The following FNBP1L variants were observed in gnomAD, a reference collection of about 807,000 sequenced individuals.
FNBP1L encodes the protein formin binding protein 1 like.
A neutral mutation model predicts 91.2 loss-of-function variants in FNBP1L; 36 were observed. The observed-to-expected ratio is 0.39, with a 90% confidence interval of 0.30 to 0.52. FNBP1L has a LOEUF of 0.52. Ranked by LOEUF, FNBP1L falls within the 20% of genes least tolerant of loss-of-function variation. The probability of loss-of-function intolerance (pLI) is 0.66; values close to 1 mark genes in which losing one functional copy is unlikely to be tolerated. For missense variants in FNBP1L, 571 were observed against 732.1 expected (o/e 0.78, Z 2.54); for synonymous variants, 242 against 237.0 (o/e 1.02, Z -0.19).
intron 2 of FNBP1L, 146 bp downstream of exon 2, chr1:93,499,729 A>T (rs1030035540): frequency 2.7e-5 from 16 of 586,346 alleles, no homozygotes; most frequent in Non-Finnish European, 4.8e-5. Flanking sequence ...TTTAATGATT[A>T]ATTAAGTCAT....
At chr1:93,508,737 A>G (rs147206879) in intron 2 of FNBP1L, among the ~76,000 whole-genome samples, 425 of 152,322 alleles carry the variant, frequency 2.8e-3, no homozygotes, top group Non-Finnish European at 4.1e-3. Context: ...AAAGACTTCT[A>G]TGGTTACCCT....
In FNBP1L at chr1:93,540,134, A is replaced by G. The variant is rs910090308; in HGVS notation, c.1150-908A>G. Reference sequence around the variant, plus strand: ...GATGCCATGCCAGTTGCAGAATCCTATTGACCCACAGAATGTGGGAGATAT... The same window carrying G: ...GATGCCATGCCAGTTGCAGAATCCTGTTGACCCACAGAATGTGGGAGATAT... On this transcript the variant is annotated intron_variant, in intron 10 of 16. Transcript: ENST00000271234. Among the ~76,000 whole-genome samples, 12 of 152,226 alleles carry G rather than the reference A, an allele frequency of 7.9e-5. No homozygotes were observed. In the South Asian group the frequency reaches 1.4e-3, roughly 18 times the overall value.
intron 1 of FNBP1L, among the ~76,000 whole-genome samples, chr1:93,465,264 TAC>T (rs1431585291): frequency 1.3e-5 from 2 of 151,938 alleles, no homozygotes; most frequent in African/African-American, 4.8e-5. Flanking sequence ...GCAGGTTTGA[TAC>T]ATAGGTATGC....
intron 13 of FNBP1L, 146 bp downstream of exon 13, chr1:93,547,120 T>G (rs1672268274): frequency 1.9e-6 from 2 of 1,057,582 alleles, no homozygotes; most frequent in Non-Finnish European, 2.7e-6. Context: ...TGTGTGTTAT[T>G]TAATCTCATT....
intron 13 of FNBP1L, 98 bp from the exon 14 acceptor site, chr1:93,547,249 A>G (rs2101774606): frequency 6.5e-6 from 7 of 1,074,354 alleles, no homozygotes; most frequent in Middle Eastern, 2.1e-4. Context: ...TAAGAATTAC[A>G]TAATTATAAA....
At chr1:93,510,124 C>T (rs1670776557) in intron 2 of FNBP1L, among the ~76,000 whole-genome samples, 1 of 152,214 alleles carries the variant, frequency 6.6e-6, no homozygotes, top group Admixed American at 6.5e-5. Flanking sequence ...CTCAAGGAGG[C>T]CTGCCTGCCT....
intron 2 of FNBP1L, among the ~76,000 whole-genome samples, chr1:93,520,868 C>T (rs1213253575): frequency 6.6e-6 from 1 of 152,184 alleles, no homozygotes; most frequent in South Asian, 2.1e-4. Flanking sequence ...GTGGTGAAAC[C>T]CTATCTCTAC....
chr1:93,530,055 G>A (rs1671623896), intron 6 of FNBP1L, among the ~76,000 whole-genome samples: 1 of 152,034 alleles, frequency 6.6e-6, no homozygotes, highest in South Asian at 2.1e-4. Context: ...GTGTTGATGG[G>A]GTAATAATTA....
At chr1:93,453,192 C>G (rs1668551788) in intron 1 of FNBP1L, among the ~76,000 whole-genome samples, 1 of 152,156 alleles carries the variant, frequency 6.6e-6, no homozygotes, top group African/African-American at 2.4e-5. Context: ...ATCTTACATT[C>G]CCTTTTGTTG....
chr1:93,529,625 A>G (rs930218086), intron 5 of FNBP1L, 27 bp from the exon 6 acceptor site: 8 of 1,283,172 alleles, frequency 6.2e-6, no homozygotes, highest in Admixed American at 6.1e-5. Context: ...TTATTTTCTC[A>G]GTGTGATATT....
At chr1:93,545,528 G>A (rs894622677) in intron 12 of FNBP1L, among the ~76,000 whole-genome samples, 1 of 152,154 alleles carries the variant, frequency 6.6e-6, no homozygotes, top group Non-Finnish European at 1.5e-5. Flanking sequence ...TGAGGATGAA[G>A]AAGTATAGGA....
At chr1:93,486,620 T>C (rs560480979) in intron 1 of FNBP1L, among the ~76,000 whole-genome samples, 8 of 152,336 alleles carry the variant, frequency 5.3e-5, no homozygotes, top group Admixed American at 5.2e-4. Context: ...AAAGACTTTC[T>C]GAATAAGTAA....
At chr1:93,500,642 C>T (rs1187806288) in intron 2 of FNBP1L, among the ~76,000 whole-genome samples, 1 of 149,460 alleles carries the variant, frequency 6.7e-6, no homozygotes, top group Non-Finnish European at 1.5e-5. Context: ...TGACTTATAG[C>T]TAATGATGGG....
chr1:93,462,159 AT>A (rs1668890029), intron 1 of FNBP1L, among the ~76,000 whole-genome samples: 1 of 152,160 alleles, frequency 6.6e-6, no homozygotes, highest in African/African-American at 2.4e-5. Flanking sequence ...TGAGTAGAAG[AT>A]TTCCCTGGAT....
intron 1 of FNBP1L, among the ~76,000 whole-genome samples, chr1:93,468,278 T>A (rs1424715498): frequency 6.6e-6 from 1 of 152,228 alleles, no homozygotes; most frequent in Non-Finnish European, 1.5e-5. Context: ...TAACATGCAT[T>A]ACTTTGTTCT....
chr1:93,545,895 A>G (rs1038612287), intron 12 of FNBP1L, among the ~76,000 whole-genome samples: 2 of 152,072 alleles, frequency 1.3e-5, no homozygotes, highest in African/African-American at 4.8e-5. Flanking sequence ...AATTGCAACA[A>G]TAAGAAAAAA....
intron 1 of FNBP1L, among the ~76,000 whole-genome samples, chr1:93,490,586 C>A (rs1440281695): frequency 6.6e-6 from 1 of 152,106 alleles, no homozygotes; most frequent in Non-Finnish European, 1.5e-5. Context: ...AAGTTGAACT[C>A]TGAGTAAGTC....
At chr1:93,487,539 C>CA (rs1669949330) in intron 1 of FNBP1L, among the ~76,000 whole-genome samples, 1 of 152,174 alleles carries the variant, frequency 6.6e-6, no homozygotes, top group Non-Finnish European at 1.5e-5. Flanking sequence ...TAACCAACCA[C>CA]ATGACAGAGA....
At position 93,547,439 on chromosome 1, in the gene FNBP1L, A is replaced by G. The variant is rs1257521955; in HGVS notation, c.1500A>G (p.Glu500=). 7 of 1,551,224 alleles carry G rather than the reference A, an allele frequency of 4.5e-6. No homozygotes were observed. The highest frequency in any genetic ancestry group is 1.7e-4 in the Middle Eastern group (1 of 5,986). ...ATCATCTTGTAACACAGGGACGAGA[A>G]AGGTGATTTTTTGTATTTTATTTGT... is the stretch of plus-strand genomic sequence containing the variant. The part of the protein sequence containing the change: ...DINHLVTQGR[E]SPEGSYTDDA... The change falls in exon 14 of 17, where the codon GAA becomes GAG. Residue 500 remains glutamate (E), a splice_region_variant and synonymous_variant. Coordinates refer to ENST00000271234, the MANE Select transcript of FNBP1L (RefSeq NM_001164473.3).
Sources: gnomAD v4.1 joint callset for allele counts (sites outside exome capture counted in the v4.1 genomes callset) on GRCh38, gnomAD v4.1.1 for gene constraint, MANE v1.5 for transcripts, NCBI Gene and HGNC (gene_info 2026-07-23, HGNC 2026-07-21) for gene names.